The following IP6K3 variants were observed in gnomAD, a reference collection of about 807,000 sequenced individuals.
The protein encoded by IP6K3 is inositol hexakisphosphate kinase 3.
A neutral mutation model predicts 28.8 loss-of-function variants in IP6K3; 20 were observed. The ratio of observed to expected loss-of-function variants is 0.70; its 90% CI spans 0.49 to 1.01. The LOEUF (loss-of-function observed/expected upper bound fraction) is 1.01, where lower values mean the gene tolerates loss of function less well. Among genes scored for constraint, IP6K3 ranks in the 50% least tolerant of loss-of-function variants. IP6K3 has a pLI of 0.00. For synonymous variants in IP6K3, 213 were observed against 221.3 expected, an observed-to-expected ratio of 0.96 and a Z score of 0.33; for missense variants, 480 against 537.1, an observed-to-expected ratio of 0.89 and a Z score of 1.05.
Position 33,725,382 on chromosome 6 carries a change from TTGC to T in IP6K3, c.765+56_765+58del, listed in dbSNP as rs1766062861. Reference sequence around the variant, plus strand: ...AGTGGCATCTGGATGGGAGATATCCTTGCCCCACCGTGGACGTGCCGGGATGTC... The same window carrying T: ...AGTGGCATCTGGATGGGAGATATCCTCCCACCGTGGACGTGCCGGGATGTC... On this transcript the variant is annotated intron_variant, in intron 5 of 5. Transcript: ENST00000293756. The T allele has an allele frequency of 7.3e-6, 11 of 1,510,434 alleles. No homozygotes were observed. In the South Asian group the frequency reaches 1.4e-4, roughly 19 times the overall value. 93.6% of individuals were successfully genotyped at this position (1,510,434 alleles called of 1,614,324 possible).
the IP6K3 span, among the ~76,000 whole-genome samples, chr6:33,754,810 G>GT: frequency 6.6e-6 from 1 of 152,220 alleles, no homozygotes; most frequent in South Asian, 2.1e-4. Flanking sequence ...CACAACGTCT[G>GT]TAACGACAAC....
intron 5 of IP6K3, 146 bp downstream of exon 5, chr6:33,725,295 C>A: frequency 1.5e-6 from 1 of 675,060 alleles, no homozygotes. Context: ...TATGCATTTC[C>A]TTGTTGGAGG....
Position 33,726,961 on chromosome 6 carries a change from G to A in IP6K3, c.414-55C>T, listed in dbSNP as rs770714989. 24 of 1,474,584 alleles carry A rather than the reference G, an allele frequency of 1.6e-5. 1 individual carries two copies. In the South Asian group the frequency reaches 2.1e-4, roughly 13 times the overall value. The allele number at this position is 1,474,584 out of a possible 1,614,324, so 91.3% of individuals were successfully genotyped here. On this transcript the variant is annotated intron_variant, in intron 3 of 5. Coordinates refer to ENST00000293756, the MANE Select transcript of IP6K3 (RefSeq NM_054111.5). Reference sequence around the variant, plus strand: ...GAGCAGAGGTCTGGGGAAGGGCGCCGCTGCCTGTGGCTGACTGGGCTCTCT... The same window carrying A: ...GAGCAGAGGTCTGGGGAAGGGCGCCACTGCCTGTGGCTGACTGGGCTCTCT...
At chr6:33,760,475 G>C in the IP6K3 span, among the ~76,000 whole-genome samples, 7 of 152,194 alleles carry the variant, frequency 4.6e-5, no homozygotes, top group Non-Finnish European at 8.8e-5. Context: ...GCGTGAGTCT[G>C]TTCACTCCCT....
chr6:33,733,394 C>G (rs1052771770), intron 2 of IP6K3, among the ~76,000 whole-genome samples: 1 of 152,202 alleles, frequency 6.6e-6, no homozygotes, highest in Non-Finnish European at 1.5e-5. Flanking sequence ...CCTACCCACA[C>G]TGGCTCATGG....
chr6:33,723,143 G>A lies in IP6K3; in HGVS notation c.810C>T (p.Tyr270=), dbSNP rs1241275691. 6.2e-7 allele frequency: 1 copy of A among 1,605,688 alleles called. No homozygotes were observed. The highest frequency in any genetic ancestry group is 1.1e-5 in the South Asian group (1 of 89,754). ...CCTCCACTGAGAGTTTTCTTCCATA[G>A]TACTTGTCTTTGCAGAGAAAGTACT... is the stretch of plus-strand genomic sequence containing the variant. ...DKKYFLCKDK[Y]YGRKLSVEGF... The change falls in exon 6 of 6, where the codon TAC becomes TAT. Residue 270 remains tyrosine, a synonymous_variant. Coordinates refer to ENST00000293756, the MANE Select transcript of IP6K3 (RefSeq NM_054111.5).
intron 1 of IP6K3, among the ~76,000 whole-genome samples, chr6:33,745,399 G>C (rs577194184): frequency 1.1e-3 from 167 of 152,286 alleles, no homozygotes; most frequent in African/African-American, 4.0e-3. Flanking sequence ...TGGCCCAGGA[G>C]GGGACAGGAG....
chr6:33,761,182 C>T, the IP6K3 span, among the ~76,000 whole-genome samples: 1 of 152,100 alleles, frequency 6.6e-6, no homozygotes, highest in Non-Finnish European at 1.5e-5. Context: ...GAACTGTCAG[C>T]TGGGTCACTC....
At chr6:33,727,014 G>C in intron 3 of IP6K3, 108 bp from the exon 4 acceptor site, 1 of 1,226,414 alleles carries the variant, frequency 8.2e-7, no homozygotes, top group Non-Finnish European at 1.1e-6. Context: ...GGTGGTCCCA[G>C]CTGCTCTCCA....
At chr6:33,745,344 G>A (rs1415634073) in intron 1 of IP6K3, among the ~76,000 whole-genome samples, 2 of 152,180 alleles carry the variant, frequency 1.3e-5, no homozygotes, top group Non-Finnish European at 2.9e-5. Context: ...GACAGGGAGG[G>A]CCCCAGAGGC....
upstream of IP6K3, among the ~76,000 whole-genome samples, chr6:33,747,146 T>G (rs1766939816): frequency 6.6e-6 from 1 of 152,158 alleles, no homozygotes; most frequent in African/African-American, 2.4e-5. This position sits in a 1 kb window ranked among gnomAD's most constrained non-coding sequence, Gnocchi z 5.2. Flanking sequence ...TGTCAGGACC[T>G]GGGCACCAAG....
chr6:33,723,607 A>G (rs1156264517), intron 5 of IP6K3, among the ~76,000 whole-genome samples: 3 of 152,278 alleles, frequency 2.0e-5, no homozygotes. Context: ...ATGGCCTTGG[A>G]AAGCCAACTA....
intron 1 of IP6K3, among the ~76,000 whole-genome samples, chr6:33,743,221 T>A (rs1295313958): frequency 1.3e-5 from 2 of 151,986 alleles, no homozygotes; most frequent in Non-Finnish European, 2.9e-5. Context: ...AAATCTTAGG[T>A]GGTGGGGAGA....
chr6:33,733,497 C>A (rs1210221271), intron 2 of IP6K3, among the ~76,000 whole-genome samples: 1 of 152,264 alleles, frequency 6.6e-6, no homozygotes, highest in Non-Finnish European at 1.5e-5. Context: ...TGCGGCTGCC[C>A]GGCATCCATC....
In IP6K3 at chr6:33,735,575, G is replaced by C; in HGVS notation, c.-99C>G. 1 of 1,518,172 alleles carries C rather than the reference G, an allele frequency of 6.6e-7. No homozygotes were observed. Among genetic ancestry groups the C allele is most frequent in the South Asian group, 1.2e-5 (1 of 80,766 alleles). The allele number at this position is 1,518,172 out of a possible 1,614,324, so 94.0% of individuals were successfully genotyped here. ...CCAACAGCACACGGGGCTGTCAGCGGTCCTCAACTTTCTCCTTCTTGGCCT... is the reference window on the plus strand; with the variant it reads ...CCAACAGCACACGGGGCTGTCAGCGCTCCTCAACTTTCTCCTTCTTGGCCT... On this transcript the variant is annotated 5_prime_UTR_variant, in exon 2 of 6. Transcript: ENST00000293756.
In IP6K3 at chr6:33,723,019, C is replaced by T. The variant is rs4713668; in HGVS notation, c.934G>A (p.Val312Ile). 0.47 allele frequency: 750,388 copies of T among 1,612,918 alleles called. 186,225 individuals are homozygous for T. The highest frequency in any genetic ancestry group is 0.82 in the East Asian group (36,819 of 44,824). Residue 312 changes from valine to isoleucine, a missense_variant, in exon 6 of 6, where the codon GTC becomes ATC. By Grantham distance (29) the Val-to-Ile change is conservative. Coordinates refer to ENST00000293756, the MANE Select transcript of IP6K3 (RefSeq NM_054111.5). ...ILHQLRALLSVIRSQSSYRFY... is the reference protein window; with the variant it reads ...ILHQLRALLSIIRSQSSYRFY... ...CGGTATGAACTCTGGCTCCTAATGA[C>T]AGAGAGGAGGGCCCGGAGCTGGTGC...
rs149688444 is a variant in IP6K3 at position 33,728,382 on chromosome 6, G to C, written c.200-82C>G. On this transcript the variant is annotated intron_variant, in intron 2 of 5. Coordinates refer to ENST00000293756, the MANE Select transcript of IP6K3 (RefSeq NM_054111.5). ...ACATGCAGGAGTGATGACGAGTTGG[G>C]AATTTAGCTTAATGGCCCTGGTCCA... 3,721 of 1,312,568 alleles carry C rather than the reference G, an allele frequency of 2.8e-3. 33 individuals carry two copies. Among genetic ancestry groups the C allele is most frequent in the African/African-American group, 0.02 (1,361 of 69,308 alleles). 81.3% of individuals were successfully genotyped at this position (1,312,568 alleles called of 1,614,324 possible).
intron 1 of IP6K3, among the ~76,000 whole-genome samples, chr6:33,740,028 A>C (rs1333415787): frequency 6.6e-6 from 1 of 152,208 alleles, no homozygotes; most frequent in Non-Finnish European, 1.5e-5. Flanking sequence ...CCATGAGTCA[A>C]CTTGGGTGCT....
At chr6:33,756,472 CTG>C in the IP6K3 span, among the ~76,000 whole-genome samples, 19,695 of 149,936 alleles carry the variant, frequency 0.13, 1,542 homozygotes, top group Middle Eastern at 0.22. Flanking sequence ...TCAGAGGGGT[CTG>C]TGTGTGTGTG....
Sources: allele counts gnomAD v4.1 joint callset (sites outside exome capture counted in the v4.1 genomes callset), GRCh38; gene constraint gnomAD v4.1.1; non-coding constraint Gnocchi (gnomAD v3.1); transcripts MANE v1.5; gene names NCBI Gene and HGNC (gene_info 2026-07-23, HGNC 2026-07-21).